The following PAPPA variants were observed in gnomAD, a reference collection of about 807,000 sequenced individuals.
PAPPA encodes pappalysin 1, also known as pappalysin-1.
PAPPA carries 60 observed loss-of-function variants against 164.0 expected under a neutral mutation model. The observed-to-expected ratio is 0.37, with a 90% CI of 0.30 to 0.45. PAPPA has a LOEUF of 0.45. Ranked by LOEUF, PAPPA falls within the 20% of genes least tolerant of loss-of-function variation. PAPPA has a pLI of 1.00. For synonymous variants in PAPPA, 875 were observed against 814.1 expected (o/e 1.07, Z -1.27); for missense variants, 1,782 against 2,087.3 (o/e 0.85, Z 2.85).
intron 10 of PAPPA, among the ~76,000 whole-genome samples, chr9:116,327,318 A>C (rs1845933383): frequency 1.3e-5 from 2 of 152,216 alleles, no homozygotes; most frequent in Admixed American, 6.5e-5. Context: ...GATGGAAAAC[A>C]GTATGGCTCT....
At position 116,271,137 on chromosome 9, in the gene PAPPA, G is replaced by A. The variant is rs1845130390; in HGVS notation, c.2862-188G>A. Reference sequence around the variant, plus strand: ...CAGAAACACAAAGCAAGGCAAATGTGAAAGTATCTTATAAATCCATACCTT... The same window carrying A: ...CAGAAACACAAAGCAAGGCAAATGTAAAAGTATCTTATAAATCCATACCTT... On this transcript the variant is annotated intron_variant, in intron 8 of 21. Coordinates refer to ENST00000328252, the MANE Select transcript of PAPPA (RefSeq NM_002581.5). This position sits in a 1 kb window ranked among gnomAD's most constrained non-coding sequence, Gnocchi z 4.2. 6.6e-6 allele frequency among the ~76,000 whole-genome samples: 1 copy of A among 152,206 alleles called. No individual in the cohort carries two copies. The highest frequency in any genetic ancestry group is 1.9e-4 in the East Asian group (1 of 5,188).
At chr9:116,273,716 G>A (rs1268692174) in intron 9 of PAPPA, among the ~76,000 whole-genome samples, 4 of 152,176 alleles carry the variant, frequency 2.6e-5, no homozygotes, top group Non-Finnish European at 5.9e-5. Flanking sequence ...GGAGGTTGCA[G>A]TGAGCCGAGA....
chr9:116,267,854 CCTGGGCGACAGAGCG>C (rs1845087339), intron 8 of PAPPA, among the ~76,000 whole-genome samples: 1 of 127,976 alleles, frequency 7.8e-6, no homozygotes, highest in Non-Finnish European at 1.6e-5. Context: ...TGCAGTCCGG[CCTGGGCGACAGAGCG>C]AGACTCCGTC....
intron 7 of PAPPA, among the ~76,000 whole-genome samples, chr9:116,261,965 C>G (rs1182808777): frequency 6.6e-6 from 1 of 152,172 alleles, no homozygotes; most frequent in East Asian, 1.9e-4. Flanking sequence ...GTAATCCCAG[C>G]ACTTTGGGAG....
intron 10 of PAPPA, among the ~76,000 whole-genome samples, chr9:116,322,365 G>A (rs971768511): frequency 6.8e-6 from 1 of 146,568 alleles, no homozygotes. Flanking sequence ...AGCTGAGATC[G>A]TGCCATCGCA....
chr9:116,215,579 T>A, intron 4 of PAPPA, among the ~76,000 whole-genome samples: 1 of 152,002 alleles, frequency 6.6e-6, no homozygotes, highest in East Asian at 1.9e-4. Flanking sequence ...CAACACACAC[T>A]GGGGTCTATT....
At chr9:116,274,189 C>T (rs1168281205) in intron 9 of PAPPA, among the ~76,000 whole-genome samples, 4 of 151,964 alleles carry the variant, frequency 2.6e-5, no homozygotes, top group Non-Finnish European at 4.4e-5. Flanking sequence ...GAATACAAAA[C>T]CATCAGTGTT....
intron 4 of PAPPA, among the ~76,000 whole-genome samples, chr9:116,219,318 G>A (rs1410004845): frequency 6.6e-6 from 1 of 152,196 alleles, no homozygotes; most frequent in African/African-American, 2.4e-5. Context: ...ACCTCATCAT[G>A]GGCAGGAACT....
intron 10 of PAPPA, among the ~76,000 whole-genome samples, chr9:116,306,988 T>C (rs556770570): frequency 2.6e-5 from 4 of 152,298 alleles, no homozygotes; most frequent in African/African-American, 9.6e-5. Flanking sequence ...AAACTTAGAC[T>C]AAGCATTTCA....
At chr9:116,203,028 G>A (rs149004761) in intron 2 of PAPPA, among the ~76,000 whole-genome samples, 2 of 152,280 alleles carry the variant, frequency 1.3e-5, no homozygotes, top group Non-Finnish European at 2.9e-5. Context: ...AGAGTATAGT[G>A]AGAAGTGGTC....
intron 9 of PAPPA, among the ~76,000 whole-genome samples, chr9:116,284,112 C>G (rs1845301294): frequency 6.6e-6 from 1 of 152,116 alleles, no homozygotes; most frequent in African/African-American, 2.4e-5. Context: ...ACCAAGGATG[C>G]CTGTGTTTGT....
chr9:116,323,884 T>C (rs1034478952), intron 10 of PAPPA, among the ~76,000 whole-genome samples: 9 of 152,178 alleles, frequency 5.9e-5, no homozygotes, highest in African/African-American at 1.9e-4. Context: ...TTTCCATAAA[T>C]AGGAAGAGTG....
At position 116,187,170 on chromosome 9, in the gene PAPPA, T is replaced by C; in HGVS notation, c.432T>C (p.Cys144=). The change falls in exon 2 of 22, where the codon TGT becomes TGC. Residue 144 remains cysteine, a synonymous_variant. Transcript: ENST00000328252. This position sits in a 1 kb window ranked among gnomAD's most constrained non-coding sequence, Gnocchi z 4.2. ...PAVITGLYDK[C]SYISRDRGWV... ...GCCACATAGGGCTGTATGACAAATG[T>C]TCTTATATCTCACGTGACCGAGGAT... is the stretch of plus-strand genomic sequence containing the variant. 1 of 1,613,454 alleles carries C rather than the reference T, an allele frequency of 6.2e-7. No individual in the cohort carries two copies. Among genetic ancestry groups the C allele is most frequent in the Non-Finnish European group, 8.5e-7 (1 of 1,179,354 alleles).
At chr9:116,206,057 C>G (rs192112794) in intron 2 of PAPPA, among the ~76,000 whole-genome samples, 1 of 152,142 alleles carries the variant, frequency 6.6e-6, no homozygotes, top group African/African-American at 2.4e-5. Context: ...TCTTCCCTGA[C>G]GACAGAGCAG....
intron 2 of PAPPA, among the ~76,000 whole-genome samples, chr9:116,196,376 A>T (rs1256499716): frequency 3.9e-5 from 6 of 152,000 alleles, no homozygotes; most frequent in African/African-American, 1.2e-4. Context: ...CAGCACTCTC[A>T]TTTTCCTTTC....
At chr9:116,334,380 G>A (rs563852061) in intron 12 of PAPPA, among the ~76,000 whole-genome samples, 1 of 152,158 alleles carries the variant, frequency 6.6e-6, no homozygotes, top group African/African-American at 2.4e-5. Context: ...GACTAAGCAA[G>A]AAGTCCTTCC....
At chr9:116,352,116 T>C (rs1267926382) in intron 15 of PAPPA, among the ~76,000 whole-genome samples, 1 of 152,236 alleles carries the variant, frequency 6.6e-6, no homozygotes, top group Non-Finnish European at 1.5e-5. Flanking sequence ...TGCTGCTCTT[T>C]CACCTGCTTT....
At chr9:116,217,684 A>G (rs903308058) in intron 4 of PAPPA, among the ~76,000 whole-genome samples, 3 of 151,994 alleles carry the variant, frequency 2.0e-5, no homozygotes, top group Non-Finnish European at 2.9e-5. Flanking sequence ...ACTATTTCCA[A>G]TTCCCATGTA....
chr9:116,236,601 A>G (rs942483062), intron 7 of PAPPA, among the ~76,000 whole-genome samples: 1 of 151,832 alleles, frequency 6.6e-6, no homozygotes, highest in Non-Finnish European at 1.5e-5. Context: ...AAAAAAAAAA[A>G]AAAAATTACT....
Sources: allele counts gnomAD v4.1 joint callset (sites outside exome capture counted in the v4.1 genomes callset), GRCh38; gene constraint gnomAD v4.1.1; non-coding constraint Gnocchi (gnomAD v3.1); transcripts MANE v1.5; gene names NCBI Gene and HGNC (gene_info 2026-07-23, HGNC 2026-07-21).